RBFOX1: variants seen among roughly 807,000 people sequenced by gnomAD.
RBFOX1 encodes RNA binding fox-1 homolog 1.
RBFOX1 carries 8 observed loss-of-function variants against 57.7 expected under a neutral mutation model. The observed-to-expected ratio is 0.14, with a 90% confidence interval of 0.08 to 0.25. The LOEUF (loss-of-function observed/expected upper bound fraction) is 0.25. Ranked by LOEUF, RBFOX1 falls within the 10% of genes least tolerant of loss-of-function variation. RBFOX1 has a pLI of 1.00. For synonymous variants in RBFOX1, 326 were observed against 222.4 expected, an observed-to-expected ratio of 1.47 and a Z score of -4.15; for missense variants, 611 against 548.5, an observed-to-expected ratio of 1.11 and a Z score of -1.14.
At chr16:6,750,086 G>A (rs984269704) in intron 3 of RBFOX1, among the ~76,000 whole-genome samples, 9 of 152,138 alleles carry the variant, frequency 5.9e-5, no homozygotes, top group Admixed American at 2.0e-4. Flanking sequence ...CAGTCGAGGT[G>A]TATAGGGTTA....
In RBFOX1 at chr16:6,019,099, A is replaced by C; in HGVS notation, c.-1020A>C. 5.1e-6 allele frequency: 5 copies of C among 984,748 alleles called. No homozygotes were observed. The highest frequency in any genetic ancestry group is 6.0e-6 in the Non-Finnish European group (5 of 829,830). The allele number at this position is 984,748 out of a possible 1,614,324, so 61.0% of individuals were successfully genotyped here. Reference sequence around the variant, plus strand: ...CACACACACACAGACACACACGCACACACACACATGCACACATTTTCTCGC... The same window carrying C: ...CACACACACACAGACACACACGCACCCACACACATGCACACATTTTCTCGC... On this transcript the variant is annotated 5_prime_UTR_variant, in exon 1 of 16. Transcript: ENST00000550418. This position sits in a 1 kb window ranked among gnomAD's most constrained non-coding sequence, Gnocchi z 4.2.
intron 3 of RBFOX1, among the ~76,000 whole-genome samples, chr16:5,806,790 C>T (rs2055243274): frequency 6.6e-6 from 1 of 152,210 alleles, no homozygotes; most frequent in South Asian, 2.1e-4. Flanking sequence ...ACTGCAGGAT[C>T]ACTGATGCTG....
At chr16:5,650,149 A>G (rs896425477) in intron 3 of RBFOX1, among the ~76,000 whole-genome samples, 2 of 152,206 alleles carry the variant, frequency 1.3e-5, no homozygotes, top group African/African-American at 4.8e-5. Context: ...AACAGCCTCC[A>G]GCCCCCACCC....
chr16:6,580,902 G>C (rs541599163), intron 2 of RBFOX1, among the ~76,000 whole-genome samples: 16 of 102,642 alleles, frequency 1.6e-4, no homozygotes, highest in Middle Eastern at 5.4e-3. Context: ...ATCTCATTTG[G>C]GCTTGCTTTT....
At chr16:6,921,261 T>C (rs998262235) in intron 3 of RBFOX1, among the ~76,000 whole-genome samples, 2 of 152,212 alleles carry the variant, frequency 1.3e-5, no homozygotes, top group Admixed American at 6.5e-5. Flanking sequence ...TTTCTCACAA[T>C]GTCTATGGGT....
intron 4 of RBFOX1, among the ~76,000 whole-genome samples, chr16:7,074,776 T>C (rs2058002410): frequency 6.6e-6 from 1 of 152,148 alleles, no homozygotes; most frequent in South Asian, 2.1e-4. Context: ...GAAAACATTA[T>C]AAAGAAATGC....
At chr16:7,693,247 G>C in intron 14 of RBFOX1, 1 of 1,390,980 alleles carries the variant, frequency 7.2e-7, no homozygotes, top group Non-Finnish European at 1.0e-6. Context: ...TGTACACATC[G>C]AAGCAATTGG....
intron 4 of RBFOX1, among the ~76,000 whole-genome samples, chr16:5,924,293 C>T (rs1597810831): frequency 6.6e-6 from 1 of 152,078 alleles, no homozygotes; most frequent in Non-Finnish European, 1.5e-5. Context: ...ACTAATACAC[C>T]TACTGCTATA....
At chr16:5,367,054 G>T (rs2065736998) in intron 1 of RBFOX1, among the ~76,000 whole-genome samples, 1 of 152,134 alleles carries the variant, frequency 6.6e-6, no homozygotes, top group Non-Finnish European at 1.5e-5. Flanking sequence ...GTATGACATA[G>T]GTGGTTTTCT....
At chr16:6,626,942 C>G (rs1478544060) in intron 2 of RBFOX1, among the ~76,000 whole-genome samples, 2 of 152,056 alleles carry the variant, frequency 1.3e-5, no homozygotes, top group Non-Finnish European at 2.9e-5. Context: ...GTTATGATAG[C>G]CTAAATACAA....
At chr16:6,142,186 CTGCAAAAAAAAAAA>C (rs2096721863) in intron 1 of RBFOX1, among the ~76,000 whole-genome samples, 2 of 55,410 alleles carry the variant, frequency 3.6e-5, no homozygotes, top group East Asian at 2.9e-4. Context: ...GTTGCTGCTG[CTGCAAAAAAAAAAA>C]AAAAAAAAAA....
chr16:7,145,696 C>A (rs531747412), intron 4 of RBFOX1, among the ~76,000 whole-genome samples: 11 of 152,194 alleles, frequency 7.2e-5, no homozygotes, highest in Non-Finnish European at 1.5e-4. Context: ...TGATAAGGGT[C>A]TTGAAATTTA....
chr16:6,359,779 C>T (rs983642173), intron 2 of RBFOX1, among the ~76,000 whole-genome samples: 1 of 152,116 alleles, frequency 6.6e-6, no homozygotes, highest in Non-Finnish European at 1.5e-5. Context: ...AGCCGACTTA[C>T]TGTGTTTGCG....
At chr16:6,740,250 T>C (rs1171644104) in intron 3 of RBFOX1, among the ~76,000 whole-genome samples, 1 of 152,094 alleles carries the variant, frequency 6.6e-6, no homozygotes, top group East Asian at 1.9e-4. Context: ...TAAGAATCGA[T>C]AACAGTTTTC....
chr16:7,326,425 G>A (rs1258494797), intron 4 of RBFOX1, among the ~76,000 whole-genome samples: 1 of 152,102 alleles, frequency 6.6e-6, no homozygotes, highest in Non-Finnish European at 1.5e-5. Context: ...TAATAGAATG[G>A]AAGCTCGAAC....
intron 1 of RBFOX1, among the ~76,000 whole-genome samples, chr16:6,058,633 C>G (rs1282397857): frequency 1.4e-5 from 2 of 148,040 alleles, no homozygotes; most frequent in East Asian, 4.0e-4. Flanking sequence ...CATCTACCCA[C>G]CCATCCACCC....
At chr16:5,266,170 T>A (rs1461780026) in intron 1 of RBFOX1, among the ~76,000 whole-genome samples, 1 of 152,154 alleles carries the variant, frequency 6.6e-6, no homozygotes. Flanking sequence ...TGTGTGATTG[T>A]GTGTATGTCA....
chr16:5,311,425 A>G (rs1017392828), intron 1 of RBFOX1, among the ~76,000 whole-genome samples: 6 of 152,078 alleles, frequency 3.9e-5, no homozygotes, highest in Non-Finnish European at 8.8e-5. Flanking sequence ...CAGTAGTGGG[A>G]TTGCTGAATT....
chr16:5,456,106 A>T (rs1392849256), intron 1 of RBFOX1, among the ~76,000 whole-genome samples: 1 of 151,960 alleles, frequency 6.6e-6, no homozygotes, highest in Non-Finnish European at 1.5e-5. Flanking sequence ...GGCATATATC[A>T]TTTTTTTAAA....
Sources: gnomAD v4.1 joint callset for allele counts (sites outside exome capture counted in the v4.1 genomes callset) on GRCh38, gnomAD v4.1.1 for gene constraint, Gnocchi (gnomAD v3.1) non-coding constraint, MANE v1.5 for transcripts, NCBI Gene and HGNC (gene_info 2026-07-23, HGNC 2026-07-21) for gene names.